Variants in GAREM1 observed in about 807,000 individuals in gnomAD.
GAREM1 encodes GRB2-associated and regulator of MAPK protein 1.
In GAREM1, 26 loss-of-function variants were observed where a neutral mutation model predicts 71.3. That is an observed-to-expected ratio of 0.36 (90% confidence interval 0.27 to 0.51). The LOEUF (loss-of-function observed/expected upper bound fraction) is 0.51. Among genes scored for constraint, GAREM1 ranks in the 20% least tolerant of loss-of-function variants. The pLI is 0.95. For synonymous variants in GAREM1, 440 were observed against 433.2 expected (o/e 1.02, Z -0.20); for missense variants, 1,026 against 1,103.1 (o/e 0.93, Z 0.99).
chr18:32,387,428 C>T (rs189915991), intron 2 of GAREM1, among the ~76,000 whole-genome samples: 4 of 152,184 alleles, frequency 2.6e-5, no homozygotes, highest in Non-Finnish European at 5.9e-5. Flanking sequence ...TTGTACATTT[C>T]GTAGGAAAGG....
intron 2 of GAREM1, among the ~76,000 whole-genome samples, chr18:32,341,583 A>G (rs1427244444): frequency 6.6e-6 from 1 of 152,162 alleles, no homozygotes; most frequent in Non-Finnish European, 1.5e-5. Context: ...GAACTAGTTT[A>G]CAGTCCCACC....
At chr18:32,436,896 G>A (rs2048685263) in intron 1 of GAREM1, among the ~76,000 whole-genome samples, 1 of 152,036 alleles carries the variant, frequency 6.6e-6, no homozygotes, top group Non-Finnish European at 1.5e-5. Context: ...TACTAGCTGG[G>A]GGACCTTAAG....
intron 2 of GAREM1, among the ~76,000 whole-genome samples, chr18:32,362,105 C>G (rs887170063): frequency 4.6e-5 from 7 of 152,132 alleles, no homozygotes; most frequent in Admixed American, 4.6e-4. Flanking sequence ...ACATGGAAAT[C>G]CCCAATTTGT....
intron 2 of GAREM1, among the ~76,000 whole-genome samples, chr18:32,331,406 A>G (rs1285362480): frequency 6.6e-6 from 1 of 152,246 alleles, no homozygotes; most frequent in Non-Finnish European, 1.5e-5. Flanking sequence ...AATGTATATT[A>G]AACTGTTAAA....
chr18:32,428,958 AG>A (rs200100232), intron 1 of GAREM1, among the ~76,000 whole-genome samples: 1,569 of 152,122 alleles, frequency 0.01, 26 homozygotes, highest in African/African-American at 0.036. Flanking sequence ...TCATCTGCAA[AG>A]CCTTAGCAAA....
intron 2 of GAREM1, among the ~76,000 whole-genome samples, chr18:32,342,848 C>T (rs1307327628): frequency 6.6e-6 from 1 of 152,160 alleles, no homozygotes; most frequent in Non-Finnish European, 1.5e-5. Context: ...TTTTATGGTA[C>T]CATGCCCACC....
At chr18:32,329,392 G>A (rs2144553170) in intron 2 of GAREM1, among the ~76,000 whole-genome samples, 1 of 151,422 alleles carries the variant, frequency 6.6e-6, no homozygotes, top group African/African-American at 2.4e-5. Context: ...AAAAAAAAAA[G>A]GTATTGCTTC....
chr18:32,276,311 C>A (rs150300925), intron 4 of GAREM1, among the ~76,000 whole-genome samples: 5 of 152,354 alleles, frequency 3.3e-5, no homozygotes, highest in Non-Finnish European at 7.3e-5. Context: ...CCCTGAAAGT[C>A]TGAACAACAT....
At chr18:32,281,325 C>CA (rs2046949119) in intron 4 of GAREM1, among the ~76,000 whole-genome samples, 3 of 151,938 alleles carry the variant, frequency 2.0e-5, no homozygotes, top group Admixed American at 1.3e-4. Flanking sequence ...TTTTTTCAAG[C>CA]ACCTACTAGG....
chr18:32,287,818 T>C lies in GAREM1; in HGVS notation c.779A>G (p.Tyr260Cys). ...TVPSPPPRNP[Y>C]DLHFIREGHR... ...CCCCTCACGGATGAAGTGGAGGTCGTATGGGTTTCTCGGTGGAGGGCTTGG... is the reference window on the plus strand; with the variant it reads ...CCCCTCACGGATGAAGTGGAGGTCGCATGGGTTTCTCGGTGGAGGGCTTGG... The change falls in exon 4 of 6, where the codon TAC becomes TGC. Residue 260 changes from tyrosine to cysteine, a missense_variant. By Grantham distance (194) the Tyr-to-Cys change is radical. Transcript: ENST00000269209. The surrounding 1 kb of genome is among the most constrained non-coding windows in gnomAD (Gnocchi z 5.9). The C allele has an allele frequency of 6.2e-7, 1 of 1,613,800 alleles. No homozygotes were observed. The highest frequency in any genetic ancestry group is 8.5e-7 in the Non-Finnish European group (1 of 1,179,956).
chr18:32,391,091 G>A (rs1039911282), intron 2 of GAREM1, among the ~76,000 whole-genome samples: 3 of 152,184 alleles, frequency 2.0e-5, no homozygotes, highest in African/African-American at 7.2e-5. Context: ...AATGAAGACT[G>A]AGGACGTGTG....
At chr18:32,398,460 C>T (rs529536211) in intron 1 of GAREM1, among the ~76,000 whole-genome samples, 48 of 152,004 alleles carry the variant, frequency 3.2e-4, no homozygotes, top group South Asian at 8.3e-4. Context: ...ATCAAATAGA[C>T]GCAATAAAAA....
chr18:32,316,196 GA>G (rs1422944087), intron 2 of GAREM1, among the ~76,000 whole-genome samples: 1 of 152,034 alleles, frequency 6.6e-6, no homozygotes, highest in Non-Finnish European at 1.5e-5. Context: ...AGAGAACAAG[GA>G]AAAAAACTAA....
At chr18:32,316,014 T>C (rs918270530) in intron 2 of GAREM1, among the ~76,000 whole-genome samples, 3 of 152,166 alleles carry the variant, frequency 2.0e-5, no homozygotes, top group South Asian at 2.1e-4. Context: ...CTCAAACATA[T>C]TTTGGCATAC....
At chr18:32,441,493 T>A (rs2048737074) in intron 1 of GAREM1, among the ~76,000 whole-genome samples, 1 of 152,114 alleles carries the variant, frequency 6.6e-6, no homozygotes, top group Non-Finnish European at 1.5e-5. Context: ...AAAGAAAAAT[T>A]AAAGCAGCAG....
chr18:32,392,623 T>C (rs1358214730), intron 2 of GAREM1, among the ~76,000 whole-genome samples: 5 of 152,202 alleles, frequency 3.3e-5, no homozygotes, highest in Admixed American at 6.5e-5. Flanking sequence ...GCTACATGTA[T>C]TGATTTTAAT....
chr18:32,350,002 A>G (rs1598980956), intron 2 of GAREM1, among the ~76,000 whole-genome samples: 1 of 152,214 alleles, frequency 6.6e-6, no homozygotes, highest in Non-Finnish European at 1.5e-5. Flanking sequence ...AAGCAGAACG[A>G]AGTCTTGTTT....
At chr18:32,388,081 G>A (rs992359589) in intron 2 of GAREM1, among the ~76,000 whole-genome samples, 2 of 152,050 alleles carry the variant, frequency 1.3e-5, no homozygotes, top group African/African-American at 4.8e-5. Flanking sequence ...AGAAAATAAG[G>A]ACATGATTTA....
intron 1 of GAREM1, among the ~76,000 whole-genome samples, chr18:32,416,018 G>C (rs2048462968): frequency 6.6e-6 from 1 of 151,878 alleles, no homozygotes; most frequent in African/African-American, 2.4e-5. Context: ...AAACAAATTT[G>C]GTAAAGTTCC....
Sources: allele counts gnomAD v4.1 joint callset (sites outside exome capture counted in the v4.1 genomes callset), GRCh38; gene constraint gnomAD v4.1.1; non-coding constraint Gnocchi (gnomAD v3.1); transcripts MANE v1.5; gene names NCBI Gene and HGNC (gene_info 2026-07-23, HGNC 2026-07-21).